Variants in ECSCR observed in about 807,000 individuals in gnomAD.
ECSCR encodes the protein endothelial cell-specific chemotaxis regulator.
In ECSCR, 12 loss-of-function variants were observed where a neutral mutation model predicts 16.7. The ratio of observed to expected loss-of-function variants is 0.72; its 90% CI spans 0.46 to 1.17. ECSCR has a LOEUF of 1.17. ECSCR is among the 50% of genes most tolerant of loss of function. ECSCR has a pLI of 0.00. For missense variants in ECSCR, 122 were observed against 116.1 expected, an observed-to-expected ratio of 1.05 and a Z score of -0.23; for synonymous variants, 44 against 42.2, an observed-to-expected ratio of 1.04 and a Z score of -0.17.
intron 4 of ECSCR, 30 bp downstream of exon 4, chr5:139,457,515 A>G (rs773994563): frequency 3.8e-6 from 3 of 781,482 alleles, no homozygotes; most frequent in Admixed American, 3.4e-5. Context: ...CCCTCCCTGG[A>G]TGGCATTTGT....
chr5:139,449,303 T>C, intron 8 of ECSCR, 129 bp from the exon 9 acceptor site: 2 of 674,014 alleles, frequency 3.0e-6, no homozygotes, highest in Non-Finnish European at 5.2e-6. Context: ...TGGATCATGA[T>C]GAAATGCGAG....
chr5:139,449,879 A>G (rs1430386605), intron 8 of ECSCR, among the ~76,000 whole-genome samples: 1 of 148,510 alleles, frequency 6.7e-6, no homozygotes, highest in African/African-American at 2.5e-5. Flanking sequence ...GAGCCATCGC[A>G]TCCGCTAAAG....
rs749821162 is a variant in ECSCR at position 139,458,196 on chromosome 5, G to A, written c.62-13C>T. 1.9e-6 allele frequency: 3 copies of A among 1,549,562 alleles called. No individual in the cohort carries two copies. Among genetic ancestry groups the A allele is most frequent in the South Asian group, 1.2e-5 (1 of 83,980 alleles). On this transcript the variant is annotated splice_polypyrimidine_tract_variant and intron_variant, in intron 1 of 9. Coordinates refer to ENST00000618155, the MANE Select transcript of ECSCR (RefSeq NM_001077693.4). ...TGGGAGTTGTGGCCTGCAAGAGAAA[G>A]CAAAACACATAGCTTGGTAAGTCCC... is the stretch of plus-strand genomic sequence containing the variant.
chr5:139,457,992 A>T, intron 2 of ECSCR, 147 bp downstream of exon 2: 1 of 1,149,960 alleles, frequency 8.7e-7, no homozygotes, highest in South Asian at 1.4e-5. Flanking sequence ...TCCTTAGATG[A>T]GCTCAGCCTT....
chr5:139,455,147 C>T (rs2152089073), intron 6 of ECSCR, among the ~76,000 whole-genome samples, 176 bp downstream of exon 6: 1 of 147,664 alleles, frequency 6.8e-6, no homozygotes, highest in South Asian at 2.2e-4. Context: ...GAACCCAGCA[C>T]AGCCAAGAAG....
intron 3 of ECSCR, 40 bp downstream of exon 3, chr5:139,457,717 T>TGGGGCA: frequency 1.2e-6 from 2 of 1,611,896 alleles, no homozygotes; most frequent in Non-Finnish European, 1.7e-6. Context: ...TGAATGGGTG[T>TGGGGCA]GGGGCAGGAG....
chr5:139,460,878 G>A lies in ECSCR; in HGVS notation c.61+1732C>T, dbSNP rs114500702. On this transcript the variant is annotated intron_variant, in intron 1 of 9. Transcript: ENST00000618155. ...GAAGTTAAAATCGTGGATTTTAATC[G>A]AGCCTGGCAAGCCTGAGTTCAAGTC... 1.6e-3 allele frequency among the ~76,000 whole-genome samples: 239 copies of A among 152,132 alleles called. 4 individuals are homozygous for A. The highest frequency in any genetic ancestry group is 0.01 in the Middle Eastern group (3 of 294).
intron 7 of ECSCR, 71 bp downstream of exon 7, chr5:139,454,754 G>C (rs928031294): frequency 1.5e-5 from 6 of 398,400 alleles, no homozygotes; most frequent in Non-Finnish European, 2.7e-5. Flanking sequence ...ATGCAGGCTG[G>C]TGTGAGCTGG....
intron 8 of ECSCR, 43 bp from the exon 9 acceptor site, chr5:139,449,217 A>G (rs1296061297): frequency 1.4e-6 from 2 of 1,415,994 alleles, no homozygotes; most frequent in African/African-American, 1.4e-5. Flanking sequence ...GGAGGAGGGC[A>G]GGGCAATGGG....
At chr5:139,454,410 A>AGGTGTGTGTG (rs1751112523) in intron 8 of ECSCR, among the ~76,000 whole-genome samples, 192 bp downstream of exon 8, 1 of 98,882 alleles carries the variant, frequency 1.0e-5, no homozygotes, top group South Asian at 3.6e-4. Context: ...GGTGGGTTTG[A>AGGTGTGTGTG]GGTGTGTGTG....
intron 1 of ECSCR, among the ~76,000 whole-genome samples, chr5:139,459,253 T>G (rs1174392087): frequency 6.6e-6 from 1 of 151,988 alleles, no homozygotes; most frequent in East Asian, 1.9e-4. Flanking sequence ...GACGGGAAGG[T>G]GAGTGAGATG....
chr5:139,461,856 G>C (rs1362459711), intron 1 of ECSCR, among the ~76,000 whole-genome samples: 1 of 152,182 alleles, frequency 6.6e-6, no homozygotes, highest in Non-Finnish European at 1.5e-5. Context: ...GGTGGGGGCA[G>C]AGCAGGAATG....
At chr5:139,460,985 C>T (rs1751288693) in intron 1 of ECSCR, among the ~76,000 whole-genome samples, 1 of 152,082 alleles carries the variant, frequency 6.6e-6, no homozygotes, top group Non-Finnish European at 1.5e-5. Flanking sequence ...CATGGTAAAA[C>T]CTTGTCTCTA....
At chr5:139,452,500 T>TGG (rs2152088584) in intron 8 of ECSCR, among the ~76,000 whole-genome samples, 6 of 664 alleles carry the variant, frequency 9.0e-3, no homozygotes, top group South Asian at 0.038. Context: ...GGTGTGTTTG[T>TGG]GATGTGTGTG....
At chr5:139,460,631 C>T (rs570948270) in intron 1 of ECSCR, among the ~76,000 whole-genome samples, 1 of 152,208 alleles carries the variant, frequency 6.6e-6, no homozygotes, top group African/African-American at 2.4e-5. Context: ...AACTTTTTGT[C>T]ACCAACAAAG....
rs147720581 is a variant in ECSCR, at chr5:139,457,797, G to A, written c.117C>T (p.Gly39=). 109 of 1,609,240 alleles carry A rather than the reference G, an allele frequency of 6.8e-5. No homozygotes were observed. In the East Asian group the frequency reaches 1.0e-3, roughly 15 times the overall value. ...TQTSSSQGGL[G]GLSLTTEPVS... ...CTGGCTCTGTGGTCAGACTTAGACC[G>A]CCAAGGCCTCCTGAAACAGAACATC... The change falls in exon 3 of 10, where the codon GGC becomes GGT. Residue 39 remains glycine (G), a synonymous_variant. Transcript: ENST00000618155.
chr5:139,457,837 G>A (rs1410610254), intron 2 of ECSCR, 30 bp from the exon 3 acceptor site: 2 of 1,587,576 alleles, frequency 1.3e-6, no homozygotes, highest in South Asian at 1.1e-5. Context: ...GCTGAGGGGT[G>A]CACCGCCTCC....
chr5:139,456,961 G>A (rs1235597131), intron 4 of ECSCR, among the ~76,000 whole-genome samples: 2 of 152,194 alleles, frequency 1.3e-5, no homozygotes, highest in South Asian at 2.1e-4. Flanking sequence ...CAACCAGGTC[G>A]GGGAGAGCCC....
intron 8 of ECSCR, among the ~76,000 whole-genome samples, chr5:139,452,627 G>A: frequency 6.8e-6 from 1 of 147,538 alleles, no homozygotes; most frequent in Non-Finnish European, 1.5e-5. Context: ...TATGGTGTGT[G>A]ATGTGTGGGG....
Sources: gnomAD v4.1 joint callset for allele counts (sites outside exome capture counted in the v4.1 genomes callset) on GRCh38, gnomAD v4.1.1 for gene constraint, MANE v1.5 for transcripts, NCBI Gene and HGNC (gene_info 2026-07-23, HGNC 2026-07-21) for gene names.